The following C1QTNF7 variants were observed in gnomAD, a reference collection of about 807,000 sequenced individuals.
C1QTNF7 encodes complement C1q tumor necrosis factor-related protein 7.
Under a neutral mutation model 19.6 loss-of-function variants are expected in C1QTNF7, and 15 were observed. That is an observed-to-expected ratio of 0.76 (90% CI 0.51 to 1.18). The LOEUF is 1.18. Ranked by LOEUF, C1QTNF7 falls within the 50% of genes most tolerant of loss-of-function variation. C1QTNF7 has a pLI of 0.00. For synonymous variants in C1QTNF7, 142 were observed against 137.5 expected, an observed-to-expected ratio of 1.03 and a Z score of -0.23; for missense variants, 324 against 359.7, an observed-to-expected ratio of 0.90 and a Z score of 0.80.
At chr4:15,399,351 A>C (rs1161830193) in intron 1 of C1QTNF7, among the ~76,000 whole-genome samples, 2 of 152,138 alleles carry the variant, frequency 1.3e-5, no homozygotes, top group African/African-American at 4.8e-5. Context: ...CCAATGCCTG[A>C]TGAGCCACCT....
intron 1 of C1QTNF7, among the ~76,000 whole-genome samples, chr4:15,350,330 A>AGAAGGAAGGAAGGGAAGAAGGAAG (rs1553884473): frequency 2.3e-5 from 1 of 44,394 alleles, no homozygotes; most frequent in Non-Finnish European, 3.9e-5. Context: ...GAAGGAGGAA[A>AGAAGGAAGGAAGGGAAGAAGGAAG]GAAAGGAGGG....
At chr4:15,407,172 G>C (rs766005264) in intron 1 of C1QTNF7, among the ~76,000 whole-genome samples, 6 of 152,032 alleles carry the variant, frequency 3.9e-5, no homozygotes, top group African/African-American at 7.3e-5. Context: ...TGTCAGGCGG[G>C]TAACACCAAT....
intron 1 of C1QTNF7, among the ~76,000 whole-genome samples, chr4:15,400,713 G>A (rs541641022): frequency 3.3e-5 from 5 of 152,302 alleles, no homozygotes; most frequent in African/African-American, 1.2e-4. Context: ...ATTAATCAAA[G>A]AGGCTAAGTT....
At chr4:15,428,636 T>C (rs972368298) in intron 1 of C1QTNF7, among the ~76,000 whole-genome samples, 2 of 152,122 alleles carry the variant, frequency 1.3e-5, no homozygotes, top group Admixed American at 1.3e-4. Context: ...GGTTAATTCA[T>C]GGCAAACAGG....
At chr4:15,370,241 C>T (rs7666730) in intron 1 of C1QTNF7, among the ~76,000 whole-genome samples, 2 of 151,584 alleles carry the variant, frequency 1.3e-5, no homozygotes, top group Non-Finnish European at 2.9e-5. Flanking sequence ...TTCATGGGAC[C>T]AACAACTGGC....
At chr4:15,357,230 G>A (rs991301034) in intron 1 of C1QTNF7, among the ~76,000 whole-genome samples, 1 of 152,128 alleles carries the variant, frequency 6.6e-6, no homozygotes, top group Non-Finnish European at 1.5e-5. Flanking sequence ...GTGGTGTTAG[G>A]TCTTACATTT....
At chr4:15,392,677 T>C (rs1718612653) in intron 1 of C1QTNF7, among the ~76,000 whole-genome samples, 2 of 152,196 alleles carry the variant, frequency 1.3e-5, no homozygotes, top group African/African-American at 4.8e-5. Flanking sequence ...GTGGGTGGCA[T>C]TTGGGCCAGG....
chr4:15,374,631 A>C (rs1341150954), intron 1 of C1QTNF7: 2 of 985,236 alleles, frequency 2.0e-6, no homozygotes, highest in South Asian at 9.4e-5. Context: ...GCGAATCAGG[A>C]AATTACTTAT....
chr4:15,356,957 T>TG (rs1717166671), intron 1 of C1QTNF7, among the ~76,000 whole-genome samples: 2 of 151,862 alleles, frequency 1.3e-5, no homozygotes, highest in African/African-American at 4.8e-5. Context: ...TTTTTTTTTT[T>TG]TGTAAATTTG....
At chr4:15,376,928 G>T (rs1472016621) in intron 1 of C1QTNF7, among the ~76,000 whole-genome samples, 4 of 152,172 alleles carry the variant, frequency 2.6e-5, no homozygotes, top group Non-Finnish European at 5.9e-5. Context: ...CAAGTTTTGT[G>T]CATATTTTTT....
At chr4:15,428,797 T>C (rs772576866) in intron 1 of C1QTNF7, among the ~76,000 whole-genome samples, 3 of 152,206 alleles carry the variant, frequency 2.0e-5, no homozygotes, top group Non-Finnish European at 2.9e-5. Context: ...ACACAGAGCT[T>C]GCTGTTGTGA....
At chr4:15,387,175 G>A (rs1040950957) in intron 1 of C1QTNF7, among the ~76,000 whole-genome samples, 2 of 152,198 alleles carry the variant, frequency 1.3e-5, no homozygotes, top group Non-Finnish European at 2.9e-5. Flanking sequence ...AAGTTATTTG[G>A]CCTGAGCATC....
At chr4:15,365,635 G>A (rs1319170731) in intron 1 of C1QTNF7, among the ~76,000 whole-genome samples, 2 of 152,120 alleles carry the variant, frequency 1.3e-5, no homozygotes, top group Non-Finnish European at 2.9e-5. Context: ...ATCTAGGAAT[G>A]GTGTTAGCTT....
At chr4:15,403,995 A>G (rs1719091516) in intron 1 of C1QTNF7, among the ~76,000 whole-genome samples, 1 of 152,212 alleles carries the variant, frequency 6.6e-6, no homozygotes, top group African/African-American at 2.4e-5. Context: ...CTATGCATAT[A>G]CAAATATATC....
chr4:15,378,653 T>G (rs6449133), intron 1 of C1QTNF7, among the ~76,000 whole-genome samples: 72,990 of 151,946 alleles, frequency 0.48, 19,157 homozygotes, highest in African/African-American at 0.69. Context: ...TTTTAGGAAT[T>G]AATTGTGAGG....
At chr4:15,435,294 T>G (rs1197554947) in intron 1 of C1QTNF7, among the ~76,000 whole-genome samples, 1 of 152,182 alleles carries the variant, frequency 6.6e-6, no homozygotes, top group Non-Finnish European at 1.5e-5. Flanking sequence ...CTCCATAGTA[T>G]AGACAAAAGA....
chr4:15,398,488 C>T (rs1482587653), intron 1 of C1QTNF7, among the ~76,000 whole-genome samples: 1 of 151,640 alleles, frequency 6.6e-6, no homozygotes, highest in Non-Finnish European at 1.5e-5. Context: ...ACTTTCTGTT[C>T]CACAGTGAAC....
chr4:15,420,824 GTCTTTT>G (rs1711713560), intron 1 of C1QTNF7, among the ~76,000 whole-genome samples: 1 of 51,290 alleles, frequency 1.9e-5, no homozygotes, highest in Non-Finnish European at 4.5e-5. Flanking sequence ...CCACTGCTTT[GTCTTTT>G]TTTTTTTTTT....
rs1385061962 is a variant in C1QTNF7 at position 15,445,671 on chromosome 4, A to G, written c.*2872A>G. ...TAGGTGTCTTTTATTCTTAAAAAATAGCAGATACAGTTTATCCACATTTGT... is the reference window on the plus strand; with the variant it reads ...TAGGTGTCTTTTATTCTTAAAAAATGGCAGATACAGTTTATCCACATTTGT... On this transcript the variant is annotated 3_prime_UTR_variant, in exon 3 of 3. Transcript: ENST00000444304. 6.6e-6 allele frequency: 1 copy of G among 152,252 alleles called. No homozygotes were observed. The highest frequency in any genetic ancestry group is 1.5e-5 in the Non-Finnish European group (1 of 68,044). 9.4% of individuals were successfully genotyped at this position (152,252 alleles called of 1,614,324 possible). A position where few individuals can be genotyped will look rare whatever the true frequency, so the allele number is the denominator to read the frequency against.
Sources: gnomAD v4.1 joint callset for allele counts (sites outside exome capture counted in the v4.1 genomes callset) on GRCh38, gnomAD v4.1.1 for gene constraint, MANE v1.5 for transcripts, NCBI Gene and HGNC (gene_info 2026-07-23, HGNC 2026-07-21) for gene names.